The following DPP10 variants were observed in gnomAD, a reference collection of about 807,000 sequenced individuals.
DPP10 encodes inactive dipeptidyl peptidase 10.
A neutral mutation model predicts 120.9 loss-of-function variants in DPP10; 33 were observed. The ratio of observed to expected loss-of-function variants is 0.27; its 90% confidence interval spans 0.21 to 0.37. DPP10 has a LOEUF of 0.37. DPP10 is among the 10% of genes least tolerant of loss of function. DPP10 has a pLI of 1.00. For missense variants in DPP10, 816 were observed against 942.8 expected, an observed-to-expected ratio of 0.87 and a Z score of 1.76; for synonymous variants, 337 against 326.1, an observed-to-expected ratio of 1.03 and a Z score of -0.36.
intron 1 of DPP10, among the ~76,000 whole-genome samples, chr2:114,840,996 G>A (rs568939511): frequency 1.6e-4 from 24 of 152,228 alleles, no homozygotes; most frequent in Non-Finnish European, 2.9e-4. Context: ...AGGGAGCAGG[G>A]TATGTGCCAT....
chr2:115,194,698 A>G (rs2105253140), intron 1 of DPP10, among the ~76,000 whole-genome samples: 1 of 152,306 alleles, frequency 6.6e-6, no homozygotes, highest in South Asian at 2.1e-4. Context: ...TCCATAGACA[A>G]CTGTACCTGA....
At chr2:115,510,141 T>A (rs1007534350) in intron 4 of DPP10, among the ~76,000 whole-genome samples, 2 of 152,168 alleles carry the variant, frequency 1.3e-5, no homozygotes, top group African/African-American at 4.8e-5. Context: ...TTCTCCCAGG[T>A]ATGTTGTCTT....
At chr2:114,872,698 C>A (rs1276122365) in intron 1 of DPP10, among the ~76,000 whole-genome samples, 2 of 152,152 alleles carry the variant, frequency 1.3e-5, no homozygotes, top group Non-Finnish European at 2.9e-5. Flanking sequence ...ACTGTGCACT[C>A]ATCTCCAGCA....
intron 1 of DPP10, among the ~76,000 whole-genome samples, chr2:114,838,014 T>C (rs1687875606): frequency 2.0e-5 from 3 of 152,178 alleles, no homozygotes; most frequent in Admixed American, 6.5e-5. Flanking sequence ...GCAAGTCCAA[T>C]GAAAGTGTAC....
intron 1 of DPP10, among the ~76,000 whole-genome samples, chr2:114,812,141 T>C (rs1306644455): frequency 2.0e-5 from 3 of 152,218 alleles, no homozygotes; most frequent in East Asian, 3.8e-4. Flanking sequence ...TTTTTAAGTA[T>C]TTTATAGAGA....
At chr2:114,861,382 G>C (rs2106528582) in intron 1 of DPP10, among the ~76,000 whole-genome samples, 1 of 152,298 alleles carries the variant, frequency 6.6e-6, no homozygotes, top group South Asian at 2.1e-4. Flanking sequence ...TGAAGACTAT[G>C]GCGAAGACTT....
chr2:115,715,360 A>AAAAAG (rs2092460108), intron 7 of DPP10, among the ~76,000 whole-genome samples: 4 of 135,528 alleles, frequency 3.0e-5, no homozygotes, highest in Non-Finnish European at 6.6e-5. Flanking sequence ...AAAAAAAAAA[A>AAAAAG]AAAGAAAGAA....
chr2:115,131,957 T>C (rs2050383531), intron 1 of DPP10: 4 of 151,046 alleles, frequency 2.6e-5, no homozygotes, highest in Admixed American at 2.6e-4. Flanking sequence ...AATTAGCCGA[T>C]CATGGTGGCA....
intron 1 of DPP10, among the ~76,000 whole-genome samples, chr2:114,638,758 C>T (rs796824923): frequency 1.1e-4 from 17 of 151,862 alleles, no homozygotes; most frequent in Admixed American, 2.0e-4. Context: ...AACAGAAGTA[C>T]GGTTAGACCC....
chr2:115,064,686 G>T, intron 1 of DPP10: 1 of 1,299,324 alleles, frequency 7.7e-7, no homozygotes, highest in African/African-American at 1.5e-5. Flanking sequence ...GACATGCAAG[G>T]AACTGACATT....
Position 114,942,557 on chromosome 2 carries a change from A to AT in DPP10, c.61-366673dup, listed in dbSNP as rs202146111. ...TGTCTTTTGATTACATAGATTAGCC[A>AT]TTTTTTTTTCAAAATTGTTGTTTCA... is the stretch of plus-strand genomic sequence containing the variant. On this transcript the variant is annotated intron_variant, in intron 1 of 25. Coordinates refer to ENST00000410059, the MANE Select transcript of DPP10 (RefSeq NM_020868.6). Among the ~76,000 whole-genome samples the AT allele has an allele frequency of 3.5e-3, 512 of 147,692 alleles. 6 individuals carry two copies. Among genetic ancestry groups the AT allele is most frequent in the Middle Eastern group, 0.017 (5 of 288 alleles).
chr2:115,013,843 G>T (rs1339632076), intron 1 of DPP10, among the ~76,000 whole-genome samples: 1 of 151,970 alleles, frequency 6.6e-6, no homozygotes, highest in Non-Finnish European at 1.5e-5. Context: ...AATTCATCAA[G>T]AAAGTTCTTA....
intron 1 of DPP10, among the ~76,000 whole-genome samples, chr2:114,510,374 G>T (rs1322086520): frequency 2.6e-5 from 4 of 152,170 alleles, no homozygotes; most frequent in Admixed American, 2.6e-4. Context: ...GGGAGGCCAA[G>T]GTGGGTGGAT....
In DPP10 at chr2:115,838,611, A is replaced by G. The variant is rs181758156; in HGVS notation, c.2182+1865A>G. On this transcript the variant is annotated intron_variant, in intron 24 of 25. Transcript: ENST00000410059. ...TGTCTACCCATCATGCTGGACTAAT[A>G]TATTAGTGCTATTTCAAATTTCTCT... is the stretch of plus-strand genomic sequence containing the variant. 1.1e-3 allele frequency among the ~76,000 whole-genome samples: 160 copies of G among 152,348 alleles called. 1 individual carries two copies. The highest frequency in any genetic ancestry group is 1.9e-3 in the Non-Finnish European group (131 of 68,032).
intron 1 of DPP10, among the ~76,000 whole-genome samples, chr2:115,065,056 G>T (rs1373077104): frequency 6.6e-6 from 1 of 151,962 alleles, no homozygotes; most frequent in Admixed American, 6.6e-5. Context: ...CATTTCTTGT[G>T]CTCTACCTTC....
intron 5 of DPP10, among the ~76,000 whole-genome samples, chr2:115,664,934 A>G (rs1389579544): frequency 1.5e-5 from 2 of 131,534 alleles, no homozygotes; most frequent in Non-Finnish European, 3.7e-5. Flanking sequence ...TGTCAGTTGT[A>G]CTAGCCATGT....
chr2:114,915,221 G>T (rs1694708349), intron 1 of DPP10, among the ~76,000 whole-genome samples: 2 of 152,164 alleles, frequency 1.3e-5, no homozygotes, highest in African/African-American at 4.8e-5. Flanking sequence ...TCTTATTTCA[G>T]ACAAAACAGA....
At chr2:115,806,768 T>C (rs1297714030) in intron 19 of DPP10, among the ~76,000 whole-genome samples, 1 of 152,066 alleles carries the variant, frequency 6.6e-6, no homozygotes, top group Non-Finnish European at 1.5e-5. Flanking sequence ...GAAATTTAAG[T>C]TTGTTGTGGA....
chr2:115,773,544 G>A lies in DPP10; in HGVS notation c.1222-3664G>A, dbSNP rs1476998778. Among the ~76,000 whole-genome samples, 7 of 152,114 alleles carry A rather than the reference G, an allele frequency of 4.6e-5. 1 individual carries two copies. The East Asian group carries it at 1.2e-3, about 25-fold the overall frequency. ...TCAATTTAAAATACATTGTCATACTGCCTTTATCAAAAGTCTACTACAGTT... is the reference window on the plus strand; with the variant it reads ...TCAATTTAAAATACATTGTCATACTACCTTTATCAAAAGTCTACTACAGTT... On this transcript the variant is annotated intron_variant, in intron 13 of 25. Transcript: ENST00000410059.
Sources: gnomAD v4.1 joint callset for allele counts (sites outside exome capture counted in the v4.1 genomes callset) on GRCh38, gnomAD v4.1.1 for gene constraint, MANE v1.5 for transcripts, NCBI Gene and HGNC (gene_info 2026-07-23, HGNC 2026-07-21) for gene names.